IL1RAPL2: variants seen among roughly 807,000 people sequenced by gnomAD.
The protein encoded by IL1RAPL2 is interleukin 1 receptor accessory protein like 2, also known as X-linked interleukin-1 receptor accessory protein-like 2.
Under a neutral mutation model 44.1 loss-of-function variants are expected in IL1RAPL2, and 3 were observed. The observed-to-expected ratio is 0.07, with a 90% CI of 0.03 to 0.18. The LOEUF is 0.18. Among genes scored for constraint, IL1RAPL2 ranks in the 10% least tolerant of loss-of-function variants. The probability of loss-of-function intolerance (pLI) is 1.00; values close to 1 mark genes in which losing one functional copy is unlikely to be tolerated. For synonymous variants in IL1RAPL2, 181 were observed against 178.8 expected (o/e 1.01, Z -0.10); for missense variants, 391 against 496.4 (o/e 0.79, Z 2.02).
intron 2 of IL1RAPL2, among the ~76,000 whole-genome samples, chrX:104,950,506 G>A (rs915251905): frequency 2.7e-5 from 3 of 112,324 alleles, no homozygotes; most frequent in Non-Finnish European, 5.6e-5. Context: ...CACCCATTTC[G>A]AGCTTCGGGG....
intron 2 of IL1RAPL2, among the ~76,000 whole-genome samples, chrX:105,012,598 T>TCTCTC (rs2031070079): frequency 1.9e-5 from 1 of 51,726 alleles, no homozygotes; most frequent in Admixed American, 2.6e-4. Flanking sequence ...AACTTTCTCT[T>TCTCTC]TCTCTCTCTC....
At chrX:105,347,940 C>G (rs1178417763) in intron 5 of IL1RAPL2, among the ~76,000 whole-genome samples, 1 of 111,559 alleles carries the variant, frequency 9.0e-6, no homozygotes, top group Non-Finnish European at 1.9e-5. Flanking sequence ...TCTAGGTATT[C>G]TTTGGCTTAA....
At chrX:105,220,430 C>G in intron 3 of IL1RAPL2, 1 of 1,123,388 alleles carries the variant, frequency 8.9e-7, no homozygotes, top group Non-Finnish European at 1.2e-6. Context: ...TTCACTAGCC[C>G]TGTGTGGATG....
At chrX:104,909,757 A>T (rs1924169451) in intron 2 of IL1RAPL2, among the ~76,000 whole-genome samples, 1 of 112,293 alleles carries the variant, frequency 8.9e-6, no homozygotes, top group African/African-American at 3.2e-5. Context: ...AAGCTGTCAG[A>T]CAGGGACATT....
chrX:105,347,451 A>G (rs2147702794), intron 5 of IL1RAPL2, among the ~76,000 whole-genome samples: 1 of 111,305 alleles, frequency 9.0e-6, no homozygotes, highest in African/African-American at 3.3e-5. Context: ...TGTAATAAAG[A>G]GCTTTGCACA....
intron 1 of IL1RAPL2, among the ~76,000 whole-genome samples, chrX:104,603,567 G>C (rs1928933046): frequency 8.9e-6 from 1 of 111,774 alleles, no homozygotes; most frequent in Non-Finnish European, 1.9e-5. Context: ...AAAAAGGTTA[G>C]AGGAATGGCT....
Position 104,766,905 on chromosome X carries a change from C to T in IL1RAPL2, c.82+107910C>T, listed in dbSNP as rs767052003. Among the ~76,000 whole-genome samples, 5 of 112,088 alleles carry T rather than the reference C, an allele frequency of 4.5e-5. No individual in the cohort carries two copies. The South Asian group carries it at 1.8e-3, about 41-fold the overall frequency. On this transcript the variant is annotated intron_variant, in intron 2 of 10. Transcript: ENST00000372582. ...GTCTCTCAGATGGCATTTAGCTGTC[C>T]CAGTTTACACATTTGCAGGGTGGCT...
At chrX:105,632,567 T>G (rs2037498561) in intron 6 of IL1RAPL2, among the ~76,000 whole-genome samples, 1 of 111,716 alleles carries the variant, frequency 9.0e-6, no homozygotes, top group Non-Finnish European at 1.9e-5. Flanking sequence ...CAATCACTCT[T>G]CTCTTTTGCC....
intron 5 of IL1RAPL2, among the ~76,000 whole-genome samples, chrX:105,303,369 G>A (rs2034711094): frequency 9.0e-6 from 1 of 111,578 alleles, no homozygotes; most frequent in South Asian, 3.8e-4. Context: ...CAGAAGAGCA[G>A]AGTTTTGACC....
At chrX:104,916,365 CTGTT>C (rs1924431766) in intron 2 of IL1RAPL2, among the ~76,000 whole-genome samples, 1 of 111,477 alleles carries the variant, frequency 9.0e-6, no homozygotes, top group Non-Finnish European at 1.9e-5. Context: ...ATTTGGCTCT[CTGTT>C]TGTCTGTTAT....
At chrX:105,093,124 C>G (rs1451401785) in intron 2 of IL1RAPL2, among the ~76,000 whole-genome samples, 1 of 109,279 alleles carries the variant, frequency 9.2e-6, no homozygotes, top group Admixed American at 9.9e-5. Context: ...TTCCACTCTA[C>G]CAACCTCCCC....
rs938642338 is a variant in IL1RAPL2 at position 105,745,766 on chromosome X, C to A, written c.1049-3194C>A. Reference sequence around the variant, plus strand: ...TGGCTCAGTCATAGCACACTGCAGCCTCAAACTCCTGAGCCCAAGTAATTC... The same window carrying A: ...TGGCTCAGTCATAGCACACTGCAGCATCAAACTCCTGAGCCCAAGTAATTC... On this transcript the variant is annotated intron_variant, in intron 8 of 10. Transcript: ENST00000372582. Among the ~76,000 whole-genome samples, 6 of 111,355 alleles carry A rather than the reference C, an allele frequency of 5.4e-5. No homozygotes were observed. In the Admixed American group the frequency reaches 5.7e-4, roughly 11 times the overall value.
chrX:105,214,912 A>C (rs782138637), intron 3 of IL1RAPL2, among the ~76,000 whole-genome samples: 41 of 112,456 alleles, frequency 3.6e-4, no homozygotes, highest in Admixed American at 2.2e-3. Flanking sequence ...TTTGAAACCA[A>C]TGAGAACAAA....
intron 2 of IL1RAPL2, among the ~76,000 whole-genome samples, chrX:104,918,236 C>G (rs1924523051): frequency 9.0e-6 from 1 of 111,400 alleles, no homozygotes; most frequent in Non-Finnish European, 1.9e-5. Flanking sequence ...CTTAATCAAA[C>G]CAGAGTTCCA....
At chrX:105,734,472 C>G (rs946309228) in intron 7 of IL1RAPL2, among the ~76,000 whole-genome samples, 2 of 111,865 alleles carry the variant, frequency 1.8e-5, no homozygotes, top group African/African-American at 6.5e-5. Context: ...AATCATAGCT[C>G]ACTGCAAACT....
intron 2 of IL1RAPL2, among the ~76,000 whole-genome samples, chrX:104,919,664 T>C (rs1339731362): frequency 9.7e-6 from 1 of 103,557 alleles, no homozygotes; most frequent in Admixed American, 1.1e-4. Flanking sequence ...CCCGAGTAGC[T>C]GGGATCACAG....
chrX:104,702,578 C>T (rs1375802387), intron 2 of IL1RAPL2, among the ~76,000 whole-genome samples: 1 of 112,246 alleles, frequency 8.9e-6, no homozygotes, highest in Non-Finnish European at 1.9e-5. Context: ...AGTCCTCCTA[C>T]ACATTAATTT....
At chrX:105,368,486 A>G in intron 5 of IL1RAPL2, among the ~76,000 whole-genome samples, 1 of 111,718 alleles carries the variant, frequency 9.0e-6, no homozygotes, top group African/African-American at 3.2e-5. Context: ...TTTTTCTTTC[A>G]GCTTTATGAA....
intron 2 of IL1RAPL2, among the ~76,000 whole-genome samples, chrX:104,670,795 C>A (rs1180272256): frequency 9.0e-6 from 1 of 111,317 alleles, no homozygotes; most frequent in Non-Finnish European, 1.9e-5. Context: ...TTTCTTCCAG[C>A]CCTTCTACAT....
Sources: allele counts gnomAD v4.1 joint callset (sites outside exome capture counted in the v4.1 genomes callset), GRCh38; gene constraint gnomAD v4.1.1; transcripts MANE v1.5; gene names NCBI Gene and HGNC (gene_info 2026-07-23, HGNC 2026-07-21).